The following CACNA2D3 variants were observed in gnomAD, a reference collection of about 807,000 sequenced individuals.
CACNA2D3 encodes the protein calcium voltage-gated channel auxiliary subunit alpha2delta 3.
A neutral mutation model predicts 160.6 loss-of-function variants in CACNA2D3; 60 were observed. That is an observed-to-expected ratio of 0.37 (90% CI 0.30 to 0.46). CACNA2D3 has a LOEUF of 0.46. Ranked by LOEUF, CACNA2D3 falls within the 20% of genes least tolerant of loss-of-function variation. The pLI is 1.00. For missense variants in CACNA2D3, 1,205 were observed against 1,365.0 expected, an observed-to-expected ratio of 0.88 and a Z score of 1.85; for synonymous variants, 558 against 492.9, an observed-to-expected ratio of 1.13 and a Z score of -1.75.
At chr3:54,579,836 G>A (rs1173701238) in intron 8 of CACNA2D3, among the ~76,000 whole-genome samples, 1 of 152,192 alleles carries the variant, frequency 6.6e-6, no homozygotes, top group Non-Finnish European at 1.5e-5. Flanking sequence ...ACTCCCATTT[G>A]TCAGTGGCTA....
At position 54,303,844 on chromosome 3, in the gene CACNA2D3, G is replaced by A. The variant is rs557838258; in HGVS notation, c.205-16598G>A. On this transcript the variant is annotated intron_variant, in intron 2 of 37. Coordinates refer to ENST00000474759, the MANE Select transcript of CACNA2D3 (RefSeq NM_018398.3). ...TTTTTTTTTTTTTTTTTTTTCTATT[G>A]CTTAGTGCTGCTCAGCGGGAGGGAT... is the stretch of plus-strand genomic sequence containing the variant. Among the ~76,000 whole-genome samples, 15 of 43,254 alleles carry A rather than the reference G, an allele frequency of 3.5e-4. No individual in the cohort carries two copies. The South Asian group carries it at 7.7e-3, about 22-fold the overall frequency. 28.4% of individuals were successfully genotyped at this position (43,254 alleles called of 152,430 possible). A position where few individuals can be genotyped will look rare whatever the true frequency, so the allele number is the denominator to read the frequency against.
intron 2 of CACNA2D3, among the ~76,000 whole-genome samples, chr3:54,178,560 C>T (rs1264503506): frequency 6.6e-6 from 1 of 152,218 alleles, no homozygotes; most frequent in East Asian, 1.9e-4. Context: ...TCGTCACCAA[C>T]TGAGCTGTGC....
At chr3:55,071,039 A>T (rs1268448083) in intron 35 of CACNA2D3, among the ~76,000 whole-genome samples, 1 of 152,178 alleles carries the variant, frequency 6.6e-6, no homozygotes, top group Admixed American at 6.5e-5. Flanking sequence ...TACTGTGATC[A>T]TTATGTGACT....
chr3:54,965,129 G>C (rs115131268), intron 27 of CACNA2D3, among the ~76,000 whole-genome samples: 73 of 152,280 alleles, frequency 4.8e-4, no homozygotes, highest in African/African-American at 1.6e-3. Flanking sequence ...AAACTACTCA[G>C]CTCTGCTATT....
At chr3:54,875,332 G>A (rs1039076418) in intron 18 of CACNA2D3, 2 of 152,100 alleles carry the variant, frequency 1.3e-5, no homozygotes, top group African/African-American at 2.4e-5. Context: ...GTTTTCCTAC[G>A]CTGGTTGAAT....
Position 54,169,185 on chromosome 3 carries a change from A to G in CACNA2D3, c.204+45591A>G, listed in dbSNP as rs929008199. Among the ~76,000 whole-genome samples the G allele has an allele frequency of 3.3e-5, 5 of 152,360 alleles. No homozygotes were observed. The East Asian group carries it at 9.6e-4, about 29-fold the overall frequency. The stretch of plus-strand genomic sequence containing the variant: ...AAACTACAGAACAAAACAAACAAGC[A>G]GCTTTTCAGATTTCTTCGAAAGTAT... On this transcript the variant is annotated intron_variant, in intron 2 of 37. Coordinates refer to ENST00000474759, the MANE Select transcript of CACNA2D3 (RefSeq NM_018398.3).
chr3:54,519,126 C>T (rs952124559), intron 5 of CACNA2D3, among the ~76,000 whole-genome samples: 1 of 152,276 alleles, frequency 6.6e-6, no homozygotes, highest in Non-Finnish European at 1.5e-5. Context: ...GATGGGTGCC[C>T]TTTGGGGAGA....
At chr3:54,969,957 G>T (rs1197665581) in intron 29 of CACNA2D3, 113 bp downstream of exon 29, 10 of 748,382 alleles carry the variant, frequency 1.3e-5, no homozygotes, top group Non-Finnish European at 1.9e-5. Flanking sequence ...CATTGTACTG[G>T]GCCAATCTAA....
At chr3:54,802,154 G>T (rs983221676) in intron 13 of CACNA2D3, among the ~76,000 whole-genome samples, 1 of 152,060 alleles carries the variant, frequency 6.6e-6, no homozygotes, top group Non-Finnish European at 1.5e-5. Flanking sequence ...AATAGCAAGG[G>T]GTTAGCTGAA....
rs1233214660 is a variant in CACNA2D3 at position 54,984,604 on chromosome 3, C to G, written c.2557-4C>G. On this transcript the variant is annotated splice_region_variant and splice_polypyrimidine_tract_variant and intron_variant, in intron 29 of 37. Coordinates refer to ENST00000474759, the MANE Select transcript of CACNA2D3 (RefSeq NM_018398.3). ...TTGTTTTTGTTTTTTTTTTAATTTTCTAGACTGTGAATTGTTACCTCATAG... is the reference window on the plus strand; with the variant it reads ...TTGTTTTTGTTTTTTTTTTAATTTTGTAGACTGTGAATTGTTACCTCATAG... 1.3e-6 allele frequency: 2 copies of G among 1,503,696 alleles called. No homozygotes were observed. Among genetic ancestry groups the G allele is most frequent in the South Asian group, 1.2e-5 (1 of 81,098 alleles). 93.1% of individuals were successfully genotyped at this position (1,503,696 alleles called of 1,614,324 possible).
intron 9 of CACNA2D3, among the ~76,000 whole-genome samples, chr3:54,593,065 C>T (rs1016812817): frequency 5.9e-5 from 9 of 152,052 alleles, no homozygotes; most frequent in Non-Finnish European, 1.0e-4. Context: ...CCTAGGGAGA[C>T]GAAGTTTGCA....
chr3:54,402,610 C>T (rs1195129233), intron 4 of CACNA2D3, among the ~76,000 whole-genome samples: 1 of 151,884 alleles, frequency 6.6e-6, no homozygotes, highest in East Asian at 1.9e-4. Context: ...ATATATGCAC[C>T]CAATCTGAGA....
At chr3:54,358,014 G>T (rs997500994) in intron 3 of CACNA2D3, among the ~76,000 whole-genome samples, 1 of 152,222 alleles carries the variant, frequency 6.6e-6, no homozygotes, top group Non-Finnish European at 1.5e-5. Flanking sequence ...CCCACAGGAA[G>T]TACAACACCA....
chr3:54,680,689 C>A (rs1174368372), intron 11 of CACNA2D3, among the ~76,000 whole-genome samples: 1 of 152,214 alleles, frequency 6.6e-6, no homozygotes, highest in South Asian at 2.1e-4. Context: ...GAGAGGCTGT[C>A]CTCCCTGAGT....
intron 5 of CACNA2D3, among the ~76,000 whole-genome samples, chr3:54,519,444 C>G (rs1179470275): frequency 6.6e-6 from 1 of 152,198 alleles, no homozygotes; most frequent in Non-Finnish European, 1.5e-5. Flanking sequence ...GGCAGGGATG[C>G]CTCTTTTCCT....
intron 2 of CACNA2D3, among the ~76,000 whole-genome samples, chr3:54,152,802 G>GA (rs1700176149): frequency 6.6e-6 from 1 of 152,186 alleles, no homozygotes; most frequent in African/African-American, 2.4e-5. Context: ...TTAAGTGTGA[G>GA]AAAAAAACTC....
chr3:54,818,272 C>T (rs920004026), intron 14 of CACNA2D3, among the ~76,000 whole-genome samples: 13 of 152,302 alleles, frequency 8.5e-5, no homozygotes, highest in African/African-American at 3.1e-4. Flanking sequence ...CAATCTCCAC[C>T]TCCCGGGTTC....
At chr3:54,357,301 C>T (rs1391411789) in intron 3 of CACNA2D3, among the ~76,000 whole-genome samples, 3 of 152,152 alleles carry the variant, frequency 2.0e-5, no homozygotes, top group Non-Finnish European at 2.9e-5. Flanking sequence ...TATGTGGACT[C>T]GAGCATATTG....
chr3:54,525,118 A>G (rs1290847733), intron 5 of CACNA2D3, among the ~76,000 whole-genome samples: 1 of 152,138 alleles, frequency 6.6e-6, no homozygotes, highest in Admixed American at 6.5e-5. Context: ...GTTTTAGTTC[A>G]TAAGGTATAT....
Sources: gnomAD v4.1 joint callset for allele counts (sites outside exome capture counted in the v4.1 genomes callset) on GRCh38, gnomAD v4.1.1 for gene constraint, MANE v1.5 for transcripts, NCBI Gene and HGNC (gene_info 2026-07-23, HGNC 2026-07-21) for gene names.